Variants in FAM227B observed in about 807,000 individuals in gnomAD.
The protein encoded by FAM227B is protein FAM227B.
A neutral mutation model predicts 73.8 loss-of-function variants in FAM227B; 88 were observed. That is an observed-to-expected ratio of 1.19 (90% CI 1.00 to 1.42). The LOEUF is 1.42. FAM227B is among the 40% of genes most tolerant of loss of function. The pLI is 0.00. For missense variants in FAM227B, 632 were observed against 590.9 expected (o/e 1.07, Z -0.72); for synonymous variants, 210 against 190.5 (o/e 1.10, Z -0.84).
At chr15:49,355,838 G>A (rs902238349) in intron 13 of FAM227B, among the ~76,000 whole-genome samples, 5 of 152,276 alleles carry the variant, frequency 3.3e-5, no homozygotes, top group African/African-American at 1.2e-4. Flanking sequence ...GGCAGCTAGA[G>A]AGAAAGGTCG....
intron 11 of FAM227B, among the ~76,000 whole-genome samples, chr15:49,489,816 TA>T (rs2056768262): frequency 2.1e-5 from 1 of 47,314 alleles, no homozygotes; most frequent in African/African-American, 8.8e-5. Context: ...TATATATATA[TA>T]TATTTTATAT....
intron 11 of FAM227B, among the ~76,000 whole-genome samples, chr15:49,404,692 C>A (rs1361001519): frequency 6.6e-6 from 1 of 151,812 alleles, no homozygotes; most frequent in African/African-American, 2.4e-5. Flanking sequence ...GACAGTATAC[C>A]AATGGGTCTT....
intron 9 of FAM227B, among the ~76,000 whole-genome samples, chr15:49,545,098 T>C (rs1481851565): frequency 2.6e-5 from 4 of 152,184 alleles, no homozygotes; most frequent in Non-Finnish European, 5.9e-5. Flanking sequence ...TTTAAATGTC[T>C]GATAGAATTC....
At chr15:49,408,596 CCTCT>C (rs1055062716) in intron 11 of FAM227B, among the ~76,000 whole-genome samples, 5 of 152,080 alleles carry the variant, frequency 3.3e-5, no homozygotes, top group African/African-American at 9.7e-5. Context: ...CTATTTTCTG[CCTCT>C]CTGTTTTTTG....
intron 11 of FAM227B, among the ~76,000 whole-genome samples, chr15:49,494,662 T>C (rs2152069640): frequency 6.6e-6 from 1 of 152,274 alleles, no homozygotes; most frequent in Admixed American, 6.5e-5. Context: ...ACATTCTATG[T>C]AACTTATTTA....
chr15:49,403,387 G>C (rs1165313615), intron 11 of FAM227B, among the ~76,000 whole-genome samples: 1 of 152,054 alleles, frequency 6.6e-6, no homozygotes, highest in Non-Finnish European at 1.5e-5. Context: ...CTATGAATCT[G>C]GTCCTGCATT....
intron 13 of FAM227B, among the ~76,000 whole-genome samples, chr15:49,358,994 T>A (rs1392242893): frequency 6.6e-6 from 1 of 151,624 alleles, no homozygotes; most frequent in Non-Finnish European, 1.5e-5. Flanking sequence ...GGGAAAGGAT[T>A]CCCTATTTAA....
At chr15:49,558,369 G>A (rs1409170379) in intron 9 of FAM227B, among the ~76,000 whole-genome samples, 1 of 152,164 alleles carries the variant, frequency 6.6e-6, no homozygotes, top group African/African-American at 2.4e-5. Context: ...GCATTGTTCT[G>A]ACAGTGAAGT....
intron 5 of FAM227B, among the ~76,000 whole-genome samples, chr15:49,578,973 A>G (rs28635979): frequency 0.18 from 28,010 of 152,138 alleles, 3,175 homozygotes; most frequent in Non-Finnish European, 0.25. Flanking sequence ...CAGCAAAACT[A>G]AACACAAATA....
At chr15:49,534,489 T>A (rs1170908251) in intron 10 of FAM227B, among the ~76,000 whole-genome samples, 1 of 151,832 alleles carries the variant, frequency 6.6e-6, no homozygotes, top group Non-Finnish European at 1.5e-5. Flanking sequence ...TTATTTGACA[T>A]GAGATGAGAA....
chr15:49,553,427 T>G (rs531506984), intron 9 of FAM227B, among the ~76,000 whole-genome samples: 204 of 152,300 alleles, frequency 1.3e-3, no homozygotes, highest in Non-Finnish European at 2.6e-3. Context: ...AATCACTCCC[T>G]AACTACTGTA....
chr15:49,478,013 T>C (rs1274270084), intron 11 of FAM227B, among the ~76,000 whole-genome samples: 2 of 152,188 alleles, frequency 1.3e-5, no homozygotes, highest in Non-Finnish European at 2.9e-5. Flanking sequence ...GAGGTATGAT[T>C]GCTCCCATCA....
chr15:49,421,526 C>A (rs1288596291), intron 11 of FAM227B, among the ~76,000 whole-genome samples: 7 of 152,156 alleles, frequency 4.6e-5, no homozygotes, highest in Non-Finnish European at 1.0e-4. Flanking sequence ...ATTAAGGAGG[C>A]ACTAAGCACT....
chr15:49,610,497 A>T (rs1025135316), intron 3 of FAM227B, among the ~76,000 whole-genome samples: 2 of 151,910 alleles, frequency 1.3e-5, no homozygotes, highest in African/African-American at 4.8e-5. Flanking sequence ...GATATTTCTG[A>T]AACTACATTG....
At chr15:49,539,857 T>C (rs1418643700) in intron 10 of FAM227B, among the ~76,000 whole-genome samples, 1 of 152,214 alleles carries the variant, frequency 6.6e-6, no homozygotes, top group East Asian at 1.9e-4. Context: ...AGTGGCTCCA[T>C]GGTCCCAGGT....
chr15:49,541,579 A>G, intron 10 of FAM227B, 101 bp downstream of exon 10: 1 of 1,102,712 alleles, frequency 9.1e-7, no homozygotes, highest in Non-Finnish European at 1.2e-6. Context: ...CTTTGTAAGA[A>G]AAAGAACTAC....
rs139216008 is a variant in FAM227B, at chr15:49,577,657, T to C, written c.413A>G (p.Asp138Gly). The C allele has an allele frequency of 6.4e-7, 1 of 1,559,772 alleles. No homozygotes were observed. ...TATATTCTTCTCTGTCTCCATTTCA[T>C]CTGAAAGCTGGAAAACATTTTAAAT... ...YHKKKKIMLS[D>G]EMETEKNIEG... The change falls in exon 6 of 16, where the codon GAT becomes GGT. Residue 138 changes from aspartate (D) to glycine (G), a missense_variant. Coordinates refer to ENST00000299338, the MANE Select transcript of FAM227B (RefSeq NM_152647.3).
intron 11 of FAM227B, among the ~76,000 whole-genome samples, chr15:49,464,096 T>C (rs2054054197): frequency 6.6e-6 from 1 of 152,180 alleles, no homozygotes; most frequent in East Asian, 1.9e-4. Context: ...TTAGTTTCAT[T>C]GGCTAACTAC....
At chr15:49,418,441 A>G (rs2049366581) in intron 11 of FAM227B, among the ~76,000 whole-genome samples, 1 of 152,230 alleles carries the variant, frequency 6.6e-6, no homozygotes, top group Admixed American at 6.5e-5. Flanking sequence ...CTGGATAAAG[A>G]AAATGTGGTA....
Sources: gnomAD v4.1 joint callset for allele counts (sites outside exome capture counted in the v4.1 genomes callset) on GRCh38, gnomAD v4.1.1 for gene constraint, MANE v1.5 for transcripts, NCBI Gene and HGNC (gene_info 2026-07-23, HGNC 2026-07-21) for gene names.